Variants in AGPS observed in about 807,000 individuals in gnomAD.
AGPS encodes the protein alkyldihydroxyacetonephosphate synthase, peroxisomal.
Under a neutral mutation model 90.7 loss-of-function variants are expected in AGPS, and 26 were observed. The observed-to-expected ratio is 0.29, with a 90% CI of 0.21 to 0.40. AGPS has a LOEUF of 0.40. AGPS is among the 10% of genes least tolerant of loss of function. The pLI, the probability that AGPS is intolerant of heterozygous loss-of-function variation, is 1.00. For synonymous variants in AGPS, 294 were observed against 285.3 expected, an observed-to-expected ratio of 1.03 and a Z score of -0.31; for missense variants, 540 against 816.1, an observed-to-expected ratio of 0.66 and a Z score of 4.12.
At chr2:177,507,463 G>A (rs539455372) in intron 15 of AGPS, among the ~76,000 whole-genome samples, 291 of 152,226 alleles carry the variant, frequency 1.9e-3, no homozygotes, top group Middle Eastern at 0.017. Context: ...ACTTCAGATA[G>A]CTGCACTATA....
intron 2 of AGPS, among the ~76,000 whole-genome samples, chr2:177,433,054 A>G (rs1383418639): frequency 6.6e-6 from 1 of 152,206 alleles, no homozygotes; most frequent in Non-Finnish European, 1.5e-5. Context: ...TCAAATTTCA[A>G]CATGAGGTCT....
chr2:177,458,381 G>A (rs926329777), intron 8 of AGPS, among the ~76,000 whole-genome samples: 2 of 152,176 alleles, frequency 1.3e-5, no homozygotes, highest in African/African-American at 4.8e-5. Flanking sequence ...ATTCAAATAG[G>A]AAGAGAGGAA....
chr2:177,496,263 T>C (rs1688410261), intron 12 of AGPS, among the ~76,000 whole-genome samples: 2 of 152,192 alleles, frequency 1.3e-5, no homozygotes, highest in Admixed American at 1.3e-4. Context: ...AGTGAATCTT[T>C]TGTATAAAGA....
At chr2:177,500,787 C>T (rs1481899399) in intron 14 of AGPS, among the ~76,000 whole-genome samples, 1 of 151,932 alleles carries the variant, frequency 6.6e-6, no homozygotes, top group Non-Finnish European at 1.5e-5. Flanking sequence ...CATCTTTTCT[C>T]GATAGCTGTT....
rs1685061815 is a variant in AGPS, at chr2:177,392,954, C to A, written c.165C>A (p.Thr55=). The A allele has an allele frequency of 6.5e-7, 1 of 1,550,004 alleles. No homozygotes were observed. The highest frequency in any genetic ancestry group is 1.4e-5 in the African/African-American group (1 of 73,046). ...GCCGGCCCCGGGAGGCTCTGAGTAC[C>A]AATGAGTGCAAAGCGCGGAGAGCCG... The part of the protein sequence containing the change: ...LLGRPREALS[T]NECKARRAAS... Residue 55 remains threonine (T), a synonymous_variant, in exon 1 of 20, where the codon ACC becomes ACA. Coordinates refer to ENST00000264167, the MANE Select transcript of AGPS (RefSeq NM_003659.4).
intron 1 of AGPS, 131 bp downstream of exon 1, chr2:177,393,180 G>A: frequency 1.3e-6 from 2 of 1,545,614 alleles, no homozygotes; most frequent in South Asian, 1.2e-5. Context: ...TGAAAGTAGG[G>A]ACCCACCTCT....
chr2:177,482,009 T>C, intron 10 of AGPS, 50 bp from the exon 11 acceptor site: 2 of 1,515,228 alleles, frequency 1.3e-6, no homozygotes, highest in South Asian at 1.2e-5. Flanking sequence ...AAATATGATT[T>C]AGAAAATTGT....
chr2:177,414,897 C>CATGTGTGTGTGTGT (rs71007993), intron 1 of AGPS, among the ~76,000 whole-genome samples: 1 of 146,314 alleles, frequency 6.8e-6, no homozygotes, highest in South Asian at 2.2e-4. Context: ...TATGAAGGTT[C>CATGTGTGTGTGTGT]GTGTGTGTGT....
intron 7 of AGPS, among the ~76,000 whole-genome samples, chr2:177,444,810 T>G (rs967783693): frequency 6.6e-6 from 1 of 152,206 alleles, no homozygotes; most frequent in African/African-American, 2.4e-5. Flanking sequence ...CTGCTCTTAA[T>G]AGTAGAAAGT....
At chr2:177,509,101 T>C (rs77993557) in intron 16 of AGPS, among the ~76,000 whole-genome samples, 1 of 152,180 alleles carries the variant, frequency 6.6e-6, no homozygotes, top group Non-Finnish European at 1.5e-5. Context: ...TTTCTTCCAA[T>C]CCCTCTTTTT....
intron 10 of AGPS, among the ~76,000 whole-genome samples, chr2:177,481,526 G>A (rs1264987009): frequency 2.0e-5 from 3 of 151,314 alleles, no homozygotes; most frequent in African/African-American, 7.3e-5. Flanking sequence ...TTTCTTAAAA[G>A]GGCATCTCAG....
intron 8 of AGPS, among the ~76,000 whole-genome samples, chr2:177,449,398 A>G (rs1380158414): frequency 6.6e-6 from 1 of 152,126 alleles, no homozygotes; most frequent in East Asian, 1.9e-4. Flanking sequence ...TTTAGTAGGT[A>G]CATAGTAGTA....
chr2:177,458,359 G>C (rs1377872027), intron 8 of AGPS, among the ~76,000 whole-genome samples: 1 of 152,170 alleles, frequency 6.6e-6, no homozygotes, highest in Non-Finnish European at 1.5e-5. Context: ...GCAAGAGAAA[G>C]AAATAAAGCG....
chr2:177,433,329 G>A (rs1012814732), intron 2 of AGPS, among the ~76,000 whole-genome samples: 3 of 152,162 alleles, frequency 2.0e-5, no homozygotes, highest in Non-Finnish European at 4.4e-5. Context: ...AATTAAAATT[G>A]TAATGAGATG....
At chr2:177,520,855 T>A (rs547982392) in intron 17 of AGPS, among the ~76,000 whole-genome samples, 2 of 152,358 alleles carry the variant, frequency 1.3e-5, no homozygotes, top group East Asian at 3.9e-4. Flanking sequence ...TTTTCACACA[T>A]GCTGCTGATA....
At chr2:177,537,685 A>AT (rs1435349432) in intron 19 of AGPS, among the ~76,000 whole-genome samples, 1 of 152,104 alleles carries the variant, frequency 6.6e-6, no homozygotes, top group Non-Finnish European at 1.5e-5. Flanking sequence ...ATTCGTCTCA[A>AT]TGTGATGTTT....
At chr2:177,518,570 A>G (rs1325762601) in intron 17 of AGPS, among the ~76,000 whole-genome samples, 1 of 152,190 alleles carries the variant, frequency 6.6e-6, no homozygotes, top group African/African-American at 2.4e-5. Flanking sequence ...TAATTGTGAT[A>G]CTTGTAAATG....
intron 1 of AGPS, among the ~76,000 whole-genome samples, chr2:177,397,527 G>A (rs918492567): frequency 2.0e-5 from 3 of 150,082 alleles, no homozygotes; most frequent in Non-Finnish European, 3.0e-5. Context: ...AAAATACCAT[G>A]TTAACTTTCA....
chr2:177,459,289 A>T (rs1687215010), intron 8 of AGPS, among the ~76,000 whole-genome samples: 1 of 152,248 alleles, frequency 6.6e-6, no homozygotes, highest in Non-Finnish European at 1.5e-5. Flanking sequence ...AAACACCAAA[A>T]GCAATGGCAA....
Sources: gnomAD v4.1 joint callset for allele counts (sites outside exome capture counted in the v4.1 genomes callset) on GRCh38, gnomAD v4.1.1 for gene constraint, MANE v1.5 for transcripts, NCBI Gene and HGNC (gene_info 2026-07-23, HGNC 2026-07-21) for gene names.